CFAP46: variants seen among roughly 807,000 people sequenced by gnomAD.
CFAP46 encodes cilia- and flagella-associated protein 46.
Under a neutral mutation model 325.7 loss-of-function variants are expected in CFAP46, and 245 were observed. That is an observed-to-expected ratio of 0.75 (90% CI 0.68 to 0.84). The LOEUF is 0.84. Ranked by LOEUF, CFAP46 falls within the 40% of genes least tolerant of loss-of-function variation. The pLI is 0.00. For synonymous variants in CFAP46, 1,523 were observed against 1,495.9 expected, an observed-to-expected ratio of 1.02 and a Z score of -0.42; for missense variants, 3,346 against 3,543.0, an observed-to-expected ratio of 0.94 and a Z score of 1.41.
chr10:132,913,413 G>C (rs1037603542), intron 17 of CFAP46, among the ~76,000 whole-genome samples, 155 bp from the exon 18 acceptor site: 3 of 152,094 alleles, frequency 2.0e-5, no homozygotes, highest in African/African-American at 4.8e-5. Flanking sequence ...ATTTACAGTC[G>C]CCCCGCCGCT....
At chr10:132,926,546 T>C (rs1186361378) in intron 10 of CFAP46, 22 bp downstream of exon 10, 2 of 1,497,332 alleles carry the variant, frequency 1.3e-6, no homozygotes, top group South Asian at 1.2e-5. Context: ...GCCAGGTGTA[T>C]GACTCCTGCG....
Position 132,808,929 on chromosome 10 carries a change from T to G in CFAP46, c.7665-25A>C, listed in dbSNP as rs1381514910. 2 of 1,547,580 alleles carry G rather than the reference T, an allele frequency of 1.3e-6. No homozygotes were observed. ...TCTGTGGAGAAAGGGGCGGGAGCTA[T>G]GAACCCCGAGGCCCCGCAGGACGTC... On this transcript the variant is annotated intron_variant, in intron 57 of 57. Coordinates refer to ENST00000368586, the MANE Select transcript of CFAP46 (RefSeq NM_001200049.3). The surrounding 1 kb of genome is among the most constrained non-coding windows in gnomAD (Gnocchi z 6.8).
chr10:132,814,562 C>G lies in CFAP46; in HGVS notation c.7285+15G>C. 6.4e-7 allele frequency: 1 copy of G among 1,556,440 alleles called. No individual in the cohort carries two copies. Among genetic ancestry groups the G allele is most frequent in the Non-Finnish European group, 8.7e-7 (1 of 1,150,510 alleles). On this transcript the variant is annotated intron_variant, in intron 53 of 57. Coordinates refer to ENST00000368586, the MANE Select transcript of CFAP46 (RefSeq NM_001200049.3). ...CTGGCGTGTGCCTGAACAGGGAGCCCTGTGCAGCACCCACCTGGGCCCTGG... is the reference window on the plus strand; with the variant it reads ...CTGGCGTGTGCCTGAACAGGGAGCCGTGTGCAGCACCCACCTGGGCCCTGG...
chr10:132,860,339 A>G (rs545700486), intron 37 of CFAP46, 78 bp downstream of exon 37: 54 of 1,117,800 alleles, frequency 4.8e-5, no homozygotes, highest in Non-Finnish European at 6.7e-5. Context: ...GACTTGACGT[A>G]TGGCACAAAA....
At chr10:132,897,566 C>T (rs1849335311) in intron 24 of CFAP46, among the ~76,000 whole-genome samples, 2 of 152,266 alleles carry the variant, frequency 1.3e-5, no homozygotes, top group South Asian at 4.1e-4. Flanking sequence ...AGAAAATGTG[C>T]TGGGCAGCGC....
chr10:132,917,209 C>T (rs1010495116), intron 16 of CFAP46, among the ~76,000 whole-genome samples: 1 of 152,278 alleles, frequency 6.6e-6, no homozygotes, highest in Non-Finnish European at 1.5e-5. Flanking sequence ...CTGGGAGCCA[C>T]TCAGCAGACA....
At chr10:132,930,521 A>G (rs1222448203) in intron 8 of CFAP46, among the ~76,000 whole-genome samples, 3 of 110,006 alleles carry the variant, frequency 2.7e-5, no homozygotes, top group Non-Finnish European at 3.6e-5. Flanking sequence ...TCCTCCCCAC[A>G]CAGAGCCTGG....
At chr10:132,929,575 AT>A in intron 9 of CFAP46, 129 bp downstream of exon 9, 1 of 872,140 alleles carries the variant, frequency 1.1e-6, no homozygotes, top group Non-Finnish European at 2.0e-6. Flanking sequence ...AAAGACGGCA[AT>A]GTGCCAACCA....
chr10:132,814,902 T>A lies in CFAP46; in HGVS notation c.7130A>T (p.Lys2377Ile), dbSNP rs1341308101. Residue 2377 changes from lysine to isoleucine, a missense_variant, in exon 51 of 58, where the codon AAA becomes ATA. Lys to Ile is a moderately radical substitution (Grantham distance 102). Transcript: ENST00000368586. The part of the protein sequence containing the change: ...LHKEETEGGV[K>I]KEGRSRDPKK... Reference sequence around the variant, plus strand: ...GGGGTCTCTGCTTCTTCCCTCCTTTTTCACGCCACCTTCTGTTGAAGACAA... The same window carrying A: ...GGGGTCTCTGCTTCTTCCCTCCTTTATCACGCCACCTTCTGTTGAAGACAA... 4 of 1,614,192 alleles carry A rather than the reference T, an allele frequency of 2.5e-6. No individual in the cohort carries two copies. The highest frequency in any genetic ancestry group is 3.4e-6 in the Non-Finnish European group (4 of 1,180,022).
chr10:132,901,537 C>T (rs971380541), intron 22 of CFAP46, among the ~76,000 whole-genome samples: 4 of 152,326 alleles, frequency 2.6e-5, no homozygotes, highest in Admixed American at 6.5e-5. Context: ...ACGTGTGGCA[C>T]GAGGGCCCTC....
chr10:132,860,538 G>C lies in CFAP46; in HGVS notation c.5092-15C>G, dbSNP rs1450435084. ...ATGTGACACACCTGAGGACAGGCAG[G>C]GGTGGATACGGGTGTGTCTGAGGAC... is the stretch of plus-strand genomic sequence containing the variant. On this transcript the variant is annotated splice_polypyrimidine_tract_variant and intron_variant, in intron 36 of 57. Coordinates refer to ENST00000368586, the MANE Select transcript of CFAP46 (RefSeq NM_001200049.3). 1 of 1,512,062 alleles carries C rather than the reference G, an allele frequency of 6.6e-7. No homozygotes were observed. Among genetic ancestry groups the C allele is most frequent in the South Asian group, 1.2e-5 (1 of 83,286 alleles). The allele number at this position is 1,512,062 out of a possible 1,614,324, so 93.7% of individuals were successfully genotyped here. A position where few individuals can be genotyped will look rare whatever the true frequency, so the allele number is the denominator to read the frequency against.
In CFAP46 at chr10:132,869,012, C is replaced by G. The variant is rs372277162; in HGVS notation, c.4610+262G>C. ...CAAGGGTCCAGGGCCCGGCAGCCAG[C>G]CTTTCTGTCCTCCGGGGAGGGGCTC... is the stretch of plus-strand genomic sequence containing the variant. On this transcript the variant is annotated intron_variant, in intron 33 of 57. Transcript: ENST00000368586. The surrounding 1 kb of genome is among the most constrained non-coding windows in gnomAD (Gnocchi z 6.2). 6.6e-6 allele frequency among the ~76,000 whole-genome samples: 1 copy of G among 152,240 alleles called. No homozygotes were observed. Among genetic ancestry groups the G allele is most frequent in the Middle Eastern group, 3.2e-3 (1 of 316 alleles).
rs150888776 is a variant in CFAP46 at position 132,837,043 on chromosome 10, G to C, written c.6439-129C>G. On this transcript the variant is annotated intron_variant, in intron 44 of 57. Transcript: ENST00000368586. ...GGGCTTTGTACCCTTCCTGCCCGAG[G>C]CTGGGCCCTTGGGGTGGGGGGCCCT... 6,689 of 702,308 alleles carry C rather than the reference G, an allele frequency of 9.5e-3. 51 individuals carry two copies. Among genetic ancestry groups the C allele is most frequent in the South Asian group, 0.012 (707 of 57,090 alleles). The allele number at this position is 702,308 out of a possible 1,614,324, so 43.5% of individuals were successfully genotyped here.
At chr10:132,823,971 T>C in intron 50 of CFAP46, among the ~76,000 whole-genome samples, 1 of 130,420 alleles carries the variant, frequency 7.7e-6, no homozygotes. Context: ...GTGTGAGTGC[T>C]AATGTGTGCT....
intron 22 of CFAP46, among the ~76,000 whole-genome samples, chr10:132,906,262 G>A (rs1267676023): frequency 6.6e-6 from 1 of 152,246 alleles, no homozygotes; most frequent in Non-Finnish European, 1.5e-5. Flanking sequence ...AGGGCTCGCA[G>A]CCTCCTGAGC....
intron 53 of CFAP46, 62 bp downstream of exon 53, chr10:132,814,515 C>T (rs1847649787): frequency 6.5e-7 from 1 of 1,542,512 alleles, no homozygotes; most frequent in Non-Finnish European, 8.7e-7. Flanking sequence ...CCCACAACTG[C>T]AGGACGGCAG....
At chr10:132,878,995 C>T (rs1041721831) in intron 29 of CFAP46, among the ~76,000 whole-genome samples, 4 of 152,158 alleles carry the variant, frequency 2.6e-5, no homozygotes, top group Admixed American at 2.0e-4. Flanking sequence ...CTGGAAGCCC[C>T]GTCAGCGGGC....
chr10:132,879,379 G>A (rs1018757325), intron 29 of CFAP46, 47 bp downstream of exon 29: 47 of 1,441,226 alleles, frequency 3.3e-5, no homozygotes, highest in East Asian at 7.7e-5. Context: ...CCCGCGGCCC[G>A]TCCCGGGAGG....
At chr10:132,854,439 G>A (rs1252676328) in intron 39 of CFAP46, among the ~76,000 whole-genome samples, 1 of 152,102 alleles carries the variant, frequency 6.6e-6, no homozygotes, top group African/African-American at 2.4e-5. Flanking sequence ...CCAGGTTCAC[G>A]CCATTCTCCT....
Sources: gnomAD v4.1 joint callset for allele counts (sites outside exome capture counted in the v4.1 genomes callset) on GRCh38, gnomAD v4.1.1 for gene constraint, Gnocchi (gnomAD v3.1) non-coding constraint, MANE v1.5 for transcripts, NCBI Gene and HGNC (gene_info 2026-07-23, HGNC 2026-07-21) for gene names.